The following USO1 variants were observed in gnomAD, a reference collection of about 807,000 sequenced individuals.
USO1 encodes the protein USO1 vesicle transport factor, also known as general vesicular transport factor p115.
A neutral mutation model predicts 124.5 loss-of-function variants in USO1; 57 were observed. That is an observed-to-expected ratio of 0.46 (90% CI 0.37 to 0.57). The LOEUF is 0.57. Among genes scored for constraint, USO1 ranks in the 20% least tolerant of loss-of-function variants. The pLI, the probability that USO1 is intolerant of heterozygous loss-of-function variation, is 0.00. For missense variants in USO1, 900 were observed against 1,040.6 expected, an observed-to-expected ratio of 0.86 and a Z score of 1.86; for synonymous variants, 369 against 362.8, an observed-to-expected ratio of 1.02 and a Z score of -0.19.
intron 8 of USO1, among the ~76,000 whole-genome samples, chr4:75,779,762 G>A (rs919473514): frequency 2.0e-5 from 3 of 152,222 alleles, no homozygotes; most frequent in African/African-American, 7.2e-5. Context: ...AGCAAGTGCT[G>A]ATGTAGAAAC....
chr4:75,740,888 TAA>T (rs1560436106), intron 1 of USO1, among the ~76,000 whole-genome samples: 1 of 152,234 alleles, frequency 6.6e-6, no homozygotes, highest in African/African-American at 2.4e-5. Context: ...TAATCTCTAG[TAA>T]AGTTTGGTGT....
chr4:75,754,719 C>A (rs1440148534), intron 3 of USO1, among the ~76,000 whole-genome samples: 3 of 152,130 alleles, frequency 2.0e-5, no homozygotes, highest in African/African-American at 7.2e-5. Context: ...CCTACACAGG[C>A]CAAAAAACAG....
intron 17 of USO1, among the ~76,000 whole-genome samples, chr4:75,803,881 C>T (rs1722921703): frequency 6.6e-6 from 1 of 151,800 alleles, no homozygotes. Context: ...CATTTTATTT[C>T]CCACTATAAT....
At chr4:75,795,294 A>G (rs1722646039) in intron 13 of USO1, 2 of 700,542 alleles carry the variant, frequency 2.9e-6, no homozygotes, top group Non-Finnish European at 5.2e-6. Context: ...ACTTTTCTAA[A>G]GTAGTAATAT....
intron 1 of USO1, among the ~76,000 whole-genome samples, chr4:75,747,292 T>C (rs1223338968): frequency 6.6e-6 from 1 of 152,144 alleles, no homozygotes; most frequent in Non-Finnish European, 1.5e-5. Context: ...ATTATTATAT[T>C]TTGAGGCAGG....
rs554529653 is a variant in USO1 at position 75,770,840 on chromosome 4, C to T, written c.415C>T (p.Arg139Cys). 35 of 1,612,324 alleles carry T rather than the reference C, an allele frequency of 2.2e-5. No homozygotes were observed. The Admixed American group carries it at 2.9e-4, about 13-fold the overall frequency. The stretch of plus-strand genomic sequence containing the variant: ...ATTGCAGGAGTTTGATTTCCATGTC[C>T]GCTGGCCTGGTGTGAAGCTTCTTAC... ...SLLEEFDFHV[R>C]WPGVKLLTSL... Residue 139 changes from arginine to cysteine, a missense_variant, in exon 6 of 24, where the codon CGC (arginine) becomes TGC (cysteine). By Grantham distance (180) the Arg-to-Cys change is radical. Transcript: ENST00000514213.
chr4:75,812,186 A>G lies in USO1; in HGVS notation c.2610A>G (p.Glu870=). Residue 870 remains glutamate, a synonymous_variant, in exon 23 of 24, where the codon GAA becomes GAG. Transcript: ENST00000514213. ...ATGAAATTAAAGCTCTGTCTGAGGA[A>G]AGAACTGCCATTAAAGAGCAGCTGG... The part of the protein sequence containing the change: ...LKNEIKALSE[E]RTAIKEQLDS... 1 of 1,607,194 alleles carries G rather than the reference A, an allele frequency of 6.2e-7. No individual in the cohort carries two copies. The highest frequency in any genetic ancestry group is 1.1e-5 in the South Asian group (1 of 89,368).
intron 4 of USO1, chr4:75,770,110 C>T (rs1410528998): frequency 5.9e-6 from 1 of 170,336 alleles, no homozygotes; most frequent in Non-Finnish European, 1.3e-5. Flanking sequence ...CTACCACATT[C>T]TAGATAGACT....
intron 1 of USO1, among the ~76,000 whole-genome samples, chr4:75,728,093 A>G (rs2149134805): frequency 6.6e-6 from 1 of 152,318 alleles, no homozygotes; most frequent in South Asian, 2.1e-4. Flanking sequence ...ATAGCAACTT[A>G]CGTTACTAGG....
At chr4:75,801,240 T>C (rs574864172) in intron 17 of USO1, 40 bp downstream of exon 17, 103 of 1,502,790 alleles carry the variant, frequency 6.9e-5, no homozygotes, top group Non-Finnish European at 9.0e-5. Context: ...TGATTACCAA[T>C]AGGCACTTTC....
intron 4 of USO1, among the ~76,000 whole-genome samples, chr4:75,768,216 A>G (rs574201283): frequency 6.6e-6 from 1 of 152,160 alleles, no homozygotes; most frequent in African/African-American, 2.4e-5. Flanking sequence ...AGTTCTCACT[A>G]TGTTGCCCAG....
At chr4:75,743,970 G>T (rs1008353572) in intron 1 of USO1, among the ~76,000 whole-genome samples, 1 of 152,062 alleles carries the variant, frequency 6.6e-6, no homozygotes, top group Non-Finnish European at 1.5e-5. Context: ...TAGAGATGGG[G>T]TTTCACCGTG....
chr4:75,786,133 T>A (rs960089525), intron 9 of USO1, among the ~76,000 whole-genome samples: 5 of 152,198 alleles, frequency 3.3e-5, no homozygotes, highest in African/African-American at 9.6e-5. Flanking sequence ...CAATAAAAAG[T>A]ACCACTTTTC....
intron 8 of USO1, among the ~76,000 whole-genome samples, chr4:75,778,853 T>C (rs904651473): frequency 1.3e-5 from 2 of 152,122 alleles, no homozygotes; most frequent in Non-Finnish European, 2.9e-5. Flanking sequence ...ATATTAATGA[T>C]GGGGGAACTG....
In USO1 at chr4:75,813,327, A is replaced by C; in HGVS notation, c.*32A>C. 1 of 1,528,832 alleles carries C rather than the reference A, an allele frequency of 6.5e-7. No homozygotes were observed. The highest frequency in any genetic ancestry group is 8.7e-7 in the Non-Finnish European group (1 of 1,143,726). 94.7% of individuals were successfully genotyped at this position (1,528,832 alleles called of 1,614,324 possible). A position where few individuals can be genotyped will look rare whatever the true frequency, so the allele number is the denominator to read the frequency against. On this transcript the variant is annotated 3_prime_UTR_variant, in exon 24 of 24. Coordinates refer to ENST00000514213, the MANE Select transcript of USO1 (RefSeq NM_003715.4). ...AATCTCTAGGAACAATAGAGATTAT[A>C]TCATAACTCTGAAGATGGACTCTAA...
chr4:75,725,072 C>T (rs1720368069), intron 1 of USO1, 187 bp downstream of exon 1: 1 of 656,070 alleles, frequency 1.5e-6, no homozygotes, highest in Non-Finnish European at 2.6e-6. Context: ...CAGCTCAGTC[C>T]CCATTGCTGC....
chr4:75,789,756 TTTGA>T (rs1169857903), intron 10 of USO1, among the ~76,000 whole-genome samples: 11 of 152,158 alleles, frequency 7.2e-5, no homozygotes, highest in East Asian at 5.8e-4. Context: ...AAATTTGTTC[TTTGA>T]TTATTATTTT....
intron 1 of USO1, among the ~76,000 whole-genome samples, chr4:75,737,816 C>CATTATT (rs201525951): frequency 1.2e-3 from 183 of 151,002 alleles, no homozygotes; most frequent in African/African-American, 4.2e-3. Flanking sequence ...AAATATAATA[C>CATTATT]ATTATTATTA....
At chr4:75,753,608 C>T (rs952886254) in intron 3 of USO1, among the ~76,000 whole-genome samples, 15 of 151,952 alleles carry the variant, frequency 9.9e-5, no homozygotes, top group Admixed American at 2.6e-4. Context: ...GTCCCAGCTT[C>T]TCGGGAGGCT....
Sources: gnomAD v4.1 joint callset for allele counts (sites outside exome capture counted in the v4.1 genomes callset) on GRCh38, gnomAD v4.1.1 for gene constraint, MANE v1.5 for transcripts, NCBI Gene and HGNC (gene_info 2026-07-23, HGNC 2026-07-21) for gene names.